The following C1orf87 variants were observed in gnomAD, a reference collection of about 807,000 sequenced individuals.
C1orf87 encodes the protein chromosome 1 open reading frame 87.
C1orf87 carries 58 observed loss-of-function variants against 60.5 expected under a neutral mutation model. That is an observed-to-expected ratio of 0.96 (90% CI 0.78 to 1.19). The LOEUF (loss-of-function observed/expected upper bound fraction) is 1.19, where lower values mean the gene tolerates loss of function less well. Ranked by LOEUF, C1orf87 falls within the 50% of genes most tolerant of loss-of-function variation. C1orf87 has a pLI of 0.00. For missense variants in C1orf87, 673 were observed against 638.6 expected (o/e 1.05, Z -0.58); for synonymous variants, 236 against 227.4 (o/e 1.04, Z -0.34).
At chr1:60,027,815 G>A (rs572275702) in intron 7 of C1orf87, among the ~76,000 whole-genome samples, 2 of 152,270 alleles carry the variant, frequency 1.3e-5, no homozygotes, top group South Asian at 2.1e-4. Context: ...AAAAGCATGT[G>A]TAATTATGGG....
chr1:60,040,933 G>A lies in C1orf87; in HGVS notation c.483+58C>T, dbSNP rs951886380. ...CTTCTGCTCCACATCAAGAAATTGA[G>A]TCAACAACACTCCTTCATCTACAAT... On this transcript the variant is annotated intron_variant, in intron 4 of 11. Transcript: ENST00000371201. 5.3e-6 allele frequency: 8 copies of A among 1,499,546 alleles called. No homozygotes were observed. The Admixed American group carries it at 1.5e-4, about 28-fold the overall frequency. The allele number at this position is 1,499,546 out of a possible 1,614,324, so 92.9% of individuals were successfully genotyped here.
chr1:60,026,463 G>C (rs1645198386), intron 7 of C1orf87, among the ~76,000 whole-genome samples: 1 of 151,966 alleles, frequency 6.6e-6, no homozygotes, highest in Non-Finnish European at 1.5e-5. Context: ...AAGGAGGAGA[G>C]AGGAAGCAGA....
chr1:59,995,712 C>T lies in C1orf87; in HGVS notation c.1480+1897G>A, dbSNP rs1017850417. The stretch of plus-strand genomic sequence containing the variant: ...TCATACCTTCACTTTCCTTTTGACT[C>T]TTGAACTCTTATTTGTGCCTTCATT... On this transcript the variant is annotated intron_variant, in intron 11 of 11. Transcript: ENST00000371201. Among the ~76,000 whole-genome samples, 4 of 152,178 alleles carry T rather than the reference C, an allele frequency of 2.6e-5. No homozygotes were observed. The South Asian group carries it at 8.3e-4, about 31-fold the overall frequency.
At chr1:60,031,028 T>A (rs1259034319) in intron 7 of C1orf87, among the ~76,000 whole-genome samples, 2 of 152,204 alleles carry the variant, frequency 1.3e-5, no homozygotes, top group East Asian at 3.8e-4. Flanking sequence ...TAAATTTTTT[T>A]TTTAATCTTT....
At chr1:59,997,912 T>C (rs1004387724) in intron 10 of C1orf87, 96 bp from the exon 11 acceptor site, 14 of 1,202,760 alleles carry the variant, frequency 1.2e-5, no homozygotes, top group Admixed American at 6.7e-5. Context: ...GCAAGATTTA[T>C]AGCAAGGTTT....
chr1:60,011,091 A>T (rs978304733), intron 8 of C1orf87: 2 of 152,014 alleles, frequency 1.3e-5, no homozygotes, highest in African/African-American at 4.8e-5. Context: ...AAAACATAGA[A>T]GGGGATAAAT....
intron 11 of C1orf87, among the ~76,000 whole-genome samples, chr1:59,993,098 G>A (rs537595305): frequency 3.9e-5 from 6 of 152,282 alleles, no homozygotes; most frequent in African/African-American, 1.4e-4. Flanking sequence ...AAAAATGAGT[G>A]AGGTGTGGTG....
chr1:60,062,761 TTTTGAC>T (rs1387060658), intron 2 of C1orf87, among the ~76,000 whole-genome samples: 1 of 152,204 alleles, frequency 6.6e-6, no homozygotes, highest in South Asian at 2.1e-4. Context: ...AGTATTTTGT[TTTTGAC>T]TTTGACTTTG....
intron 2 of C1orf87, among the ~76,000 whole-genome samples, chr1:60,067,437 G>A (rs1035840447): frequency 9.9e-5 from 15 of 151,814 alleles, no homozygotes; most frequent in African/African-American, 3.4e-4. Flanking sequence ...ATCTCATTAC[G>A]GTTTTGATTT....
rs185098658 is a variant in C1orf87 at position 60,002,407 on chromosome 1, T to G, written c.1193-1251A>C. On this transcript the variant is annotated intron_variant, in intron 9 of 11. Transcript: ENST00000371201. ...AAGTGTAAAGCAATTTTTTCATGTGTTTTTTGGCTGCATAAATGTCTTCTT... is the reference window on the plus strand; with the variant it reads ...AAGTGTAAAGCAATTTTTTCATGTGGTTTTTGGCTGCATAAATGTCTTCTT... Among the ~76,000 whole-genome samples, 60 of 152,172 alleles carry G rather than the reference T, an allele frequency of 3.9e-4. 1 individual carries two copies. Among genetic ancestry groups the G allele is most frequent in the African/African-American group, 1.3e-3 (53 of 41,548 alleles).
At chr1:60,004,900 C>A (rs1657963616) in intron 9 of C1orf87, among the ~76,000 whole-genome samples, 1 of 137,890 alleles carries the variant, frequency 7.3e-6, no homozygotes, top group African/African-American at 2.5e-5. Context: ...GCCTTTAGCA[C>A]TGGCTGCATG....
chr1:60,022,870 G>A (rs1330714166), intron 8 of C1orf87, among the ~76,000 whole-genome samples: 1 of 152,126 alleles, frequency 6.6e-6, no homozygotes, highest in African/African-American at 2.4e-5. Flanking sequence ...ATTAACACAG[G>A]TGTAACATAT....
intron 7 of C1orf87, among the ~76,000 whole-genome samples, chr1:60,029,253 TC>T (rs1645219879): frequency 6.6e-6 from 1 of 152,210 alleles, no homozygotes; most frequent in South Asian, 2.1e-4. Context: ...CCTTGATGTC[TC>T]CATCCCTCCT....
At chr1:60,001,561 G>A (rs1364398136) in intron 9 of C1orf87, among the ~76,000 whole-genome samples, 1 of 152,076 alleles carries the variant, frequency 6.6e-6, no homozygotes, top group African/African-American at 2.4e-5. Flanking sequence ...CACTACTGAA[G>A]AGGAGTTATC....
At chr1:60,070,224 T>C (rs1645575311) in intron 2 of C1orf87, among the ~76,000 whole-genome samples, 1 of 152,202 alleles carries the variant, frequency 6.6e-6, no homozygotes. Flanking sequence ...AAGTCTGTCA[T>C]ACCATCCCAT....
chr1:60,055,125 T>A (rs1645443733), intron 3 of C1orf87, 79 bp downstream of exon 3: 1 of 1,239,614 alleles, frequency 8.1e-7, no homozygotes, highest in South Asian at 1.3e-5. Flanking sequence ...GTACAGTGTG[T>A]TTTTGTGTGA....
chr1:60,014,409 A>G (rs968719814), intron 8 of C1orf87, among the ~76,000 whole-genome samples: 2 of 152,176 alleles, frequency 1.3e-5, no homozygotes, highest in African/African-American at 4.8e-5. Flanking sequence ...TCTTTTGTAC[A>G]TTCTGACACT....
chr1:60,063,516 CAA>C lies in C1orf87; in HGVS notation c.108-8080_108-8079del, dbSNP rs539590481. On this transcript the variant is annotated intron_variant, in intron 2 of 11. Coordinates refer to ENST00000371201, the MANE Select transcript of C1orf87 (RefSeq NM_152377.3). The stretch of plus-strand genomic sequence containing the variant: ...TTCCCATTCTACATGGAACAAAATC[CAA>C]AGTTTCTACTATGGCCCTACTGGCT... 4.6e-5 allele frequency among the ~76,000 whole-genome samples: 7 copies of C among 152,218 alleles called. No individual in the cohort carries two copies. The East Asian group carries it at 1.2e-3, about 25-fold the overall frequency.
chr1:59,991,157 G>T (rs1448558847), intron 11 of C1orf87, among the ~76,000 whole-genome samples: 1 of 152,166 alleles, frequency 6.6e-6, no homozygotes, highest in South Asian at 2.1e-4. Context: ...AACACTGGGG[G>T]TGCCTAGCAA....
Sources: gnomAD v4.1 joint callset for allele counts (sites outside exome capture counted in the v4.1 genomes callset) on GRCh38, gnomAD v4.1.1 for gene constraint, MANE v1.5 for transcripts, NCBI Gene and HGNC (gene_info 2026-07-23, HGNC 2026-07-21) for gene names.